JADE3: variants seen among roughly 807,000 people sequenced by gnomAD.
JADE3 encodes protein Jade-3.
Under a neutral mutation model 50.1 loss-of-function variants are expected in JADE3, and 2 were observed. The ratio of observed to expected loss-of-function variants is 0.04; its 90% CI spans 0.02 to 0.13. The LOEUF (loss-of-function observed/expected upper bound fraction) is 0.13, where lower values mean the gene tolerates loss of function less well. Ranked by LOEUF, JADE3 falls within the 10% of genes least tolerant of loss-of-function variation. The pLI is 1.00. For synonymous variants in JADE3, 218 were observed against 232.9 expected (o/e 0.94, Z 0.58); for missense variants, 475 against 634.4 (o/e 0.75, Z 2.70).
chrX:47,056,393 G>C (rs1226385964), intron 10 of JADE3, among the ~76,000 whole-genome samples, 194 bp downstream of exon 10: 1 of 111,633 alleles, frequency 9.0e-6, no homozygotes, highest in Non-Finnish European at 1.9e-5. Context: ...AGAAATCCCA[G>C]GGTGGGGTAG....
chrX:47,048,402 T>A (rs1556371169), intron 8 of JADE3, among the ~76,000 whole-genome samples: 1 of 112,287 alleles, frequency 8.9e-6, no homozygotes, highest in East Asian at 2.8e-4. Flanking sequence ...GCATGAATTT[T>A]CATAGCACCA....
chrX:46,968,982 A>G (rs1927426404), intron 1 of JADE3, among the ~76,000 whole-genome samples: 1 of 112,856 alleles, frequency 8.9e-6, no homozygotes, highest in Non-Finnish European at 1.9e-5. Flanking sequence ...AGCATAATAT[A>G]CTTACTTTTC....
intron 8 of JADE3, among the ~76,000 whole-genome samples, chrX:47,048,120 CTGA>C (rs1240893198): frequency 9.0e-6 from 1 of 111,573 alleles, no homozygotes; most frequent in Admixed American, 9.6e-5. Context: ...ATCCACGTGG[CTGA>C]TGTTACTCTC....
chrX:46,999,971 CA>C (rs1339467132), intron 4 of JADE3, among the ~76,000 whole-genome samples: 2 of 111,176 alleles, frequency 1.8e-5, no homozygotes, highest in African/African-American at 6.5e-5. Flanking sequence ...ATTTCTGTTA[CA>C]TATTAGATTT....
chrX:47,033,981 A>G (rs190299222), intron 7 of JADE3, among the ~76,000 whole-genome samples, 193 bp downstream of exon 7: 18 of 111,469 alleles, frequency 1.6e-4, no homozygotes, highest in African/African-American at 4.2e-4. Flanking sequence ...GGTGATTAAT[A>G]TATAGGTGGT....
rs148734137 is a variant in JADE3 at position 46,986,715 on chromosome X, G to A, written c.126+923G>A. The stretch of plus-strand genomic sequence containing the variant: ...TTGGATCACTGCTGGCCCAGAAAGA[G>A]TAGGTCAATCCTTATCAGGCTGGTC... On this transcript the variant is annotated intron_variant, in intron 3 of 10. Coordinates refer to ENST00000614628, the MANE Select transcript of JADE3 (RefSeq NM_014735.5). 5.3e-3 allele frequency among the ~76,000 whole-genome samples: 592 copies of A among 112,043 alleles called. 2 individuals are homozygous for A. Among genetic ancestry groups the A allele is most frequent in the South Asian group, 0.025 (67 of 2,651 alleles).
At chrX:46,967,694 C>T (rs1213387279) in intron 1 of JADE3, among the ~76,000 whole-genome samples, 1 of 112,058 alleles carries the variant, frequency 8.9e-6, no homozygotes, top group East Asian at 2.8e-4. Flanking sequence ...AATGACTGAA[C>T]TCAACTAATT....
At chrX:46,922,782 A>G (rs1926251654) in intron 1 of JADE3, among the ~76,000 whole-genome samples, 1 of 110,939 alleles carries the variant, frequency 9.0e-6, no homozygotes, top group Non-Finnish European at 1.9e-5. Context: ...TATTAATCAT[A>G]GTTCTTTTAC....
At chrX:46,925,684 C>T (rs1406490285) in intron 1 of JADE3, among the ~76,000 whole-genome samples, 1 of 109,920 alleles carries the variant, frequency 9.1e-6, no homozygotes, top group Non-Finnish European at 1.9e-5. Flanking sequence ...ATTAGCTGGG[C>T]GTGGTGGCAG....
At chrX:47,024,144 C>T (rs1459271041) in intron 4 of JADE3, among the ~76,000 whole-genome samples, 1 of 112,004 alleles carries the variant, frequency 8.9e-6, no homozygotes, top group African/African-American at 3.2e-5. Context: ...TCTAAATAAA[C>T]TTGGTGGCCA....
intron 1 of JADE3, among the ~76,000 whole-genome samples, chrX:46,974,336 C>T (rs782210045): frequency 9.1e-6 from 1 of 110,324 alleles, no homozygotes; most frequent in Non-Finnish European, 1.9e-5. Context: ...ACCTGGGAGG[C>T]GGAGGTTGCA....
chrX:47,041,817 A>G (rs1403219406), intron 8 of JADE3, among the ~76,000 whole-genome samples: 1 of 109,478 alleles, frequency 9.1e-6, no homozygotes, highest in East Asian at 2.9e-4. Flanking sequence ...CTGGGATTAC[A>G]GGCACACACC....
At chrX:47,034,894 G>A (rs1054067759) in intron 7 of JADE3, among the ~76,000 whole-genome samples, 32 of 109,457 alleles carry the variant, frequency 2.9e-4, no homozygotes, top group Middle Eastern at 4.7e-3. Context: ...GATTACAGGC[G>A]TGAGCCACTG....
At chrX:46,947,984 A>G (rs1926920618) in intron 1 of JADE3, among the ~76,000 whole-genome samples, 1 of 111,571 alleles carries the variant, frequency 9.0e-6, no homozygotes, top group African/African-American at 3.3e-5. Context: ...CCTGGAGATT[A>G]CAGACCTGCA....
At chrX:46,992,380 C>G (rs1369101510) in intron 3 of JADE3, among the ~76,000 whole-genome samples, 4 of 58,769 alleles carry the variant, frequency 6.8e-5, no homozygotes, top group African/African-American at 1.9e-4. Flanking sequence ...CCCCCCCCCC[C>G]ATAACTACAG....
At chrX:47,001,037 A>G (rs994876759) in intron 4 of JADE3, among the ~76,000 whole-genome samples, 2 of 111,778 alleles carry the variant, frequency 1.8e-5, no homozygotes, top group Non-Finnish European at 3.8e-5. Flanking sequence ...TTTGCCTATC[A>G]TACGAAACTC....
chrX:46,957,220 GATA>G (rs1927149442), intron 1 of JADE3, among the ~76,000 whole-genome samples: 1 of 99,648 alleles, frequency 1.0e-5, no homozygotes, highest in Admixed American at 1.1e-4. Flanking sequence ...AGATTAGATA[GATA>G]GATAGATAGA....
chrX:47,003,878 AT>A (rs1420029901), intron 4 of JADE3, among the ~76,000 whole-genome samples: 1 of 101,513 alleles, frequency 9.9e-6, no homozygotes, highest in Non-Finnish European at 2.0e-5. Context: ...ATATATTTAT[AT>A]TTTTATATAT....
chrX:46,933,732 C>T (rs994624767), intron 1 of JADE3, among the ~76,000 whole-genome samples: 21 of 111,415 alleles, frequency 1.9e-4, no homozygotes, highest in African/African-American at 4.2e-4. Context: ...ACCCACTTTT[C>T]CTGGTGATTA....
Sources: gnomAD v4.1 joint callset for allele counts (sites outside exome capture counted in the v4.1 genomes callset) on GRCh38, gnomAD v4.1.1 for gene constraint, MANE v1.5 for transcripts, NCBI Gene and HGNC (gene_info 2026-07-23, HGNC 2026-07-21) for gene names.